Variants in CHMP2B observed in about 807,000 individuals in gnomAD.
CHMP2B encodes the protein charged multivesicular body protein 2B, also known as VPS2 homolog B.
Under a neutral mutation model 29.8 loss-of-function variants are expected in CHMP2B, and 22 were observed. That is an observed-to-expected ratio of 0.74 (90% confidence interval 0.53 to 1.05). The LOEUF is 1.05. Among genes scored for constraint, CHMP2B ranks in the 50% least tolerant of loss-of-function variants. The pLI, the probability that CHMP2B is intolerant of heterozygous loss-of-function variation, is 0.00. For synonymous variants in CHMP2B, 78 were observed against 75.8 expected (o/e 1.03, Z -0.15); for missense variants, 261 against 252.2 (o/e 1.03, Z -0.24).
At chr3:87,242,064 T>C (rs1267133548) in intron 2 of CHMP2B, among the ~76,000 whole-genome samples, 1 of 152,164 alleles carries the variant, frequency 6.6e-6, no homozygotes, top group Non-Finnish European at 1.5e-5. Flanking sequence ...GAACATCTTT[T>C]TATATACCTG....
intron 3 of CHMP2B, 86 bp from the exon 4 acceptor site, chr3:87,249,789 T>G: frequency 2.6e-6 from 2 of 759,002 alleles, no homozygotes; most frequent in Non-Finnish European, 4.6e-6. Flanking sequence ...AGCCTATCTA[T>G]ATTTGATGTG....
At chr3:87,238,938 C>A (rs1309731797) in intron 1 of CHMP2B, among the ~76,000 whole-genome samples, 1 of 152,164 alleles carries the variant, frequency 6.6e-6, no homozygotes, top group Non-Finnish European at 1.5e-5. Context: ...ATTTTCACAT[C>A]TTCATTAACA....
chr3:87,236,335 G>A (rs1343525247), intron 1 of CHMP2B, among the ~76,000 whole-genome samples: 1 of 152,060 alleles, frequency 6.6e-6, no homozygotes, highest in Non-Finnish European at 1.5e-5. Context: ...CTATCATTCA[G>A]GAAATTCCAA....
In CHMP2B at chr3:87,236,108, C is replaced by T. The variant is rs1029707831; in HGVS notation, c.35-4591C>T. On this transcript the variant is annotated intron_variant, in intron 1 of 5. Coordinates refer to ENST00000263780, the MANE Select transcript of CHMP2B (RefSeq NM_014043.4). ...CAGTGTGTTCACCAATTGAGAGGTT[C>T]TCTGAATCTCTTAGGTAAGGTTTTT... is the stretch of plus-strand genomic sequence containing the variant. Among the ~76,000 whole-genome samples, 23 of 152,150 alleles carry T rather than the reference C, an allele frequency of 1.5e-4. 1 individual carries two copies. Among genetic ancestry groups the T allele is most frequent in the Admixed American group, 9.2e-4 (14 of 15,272 alleles).
In CHMP2B at chr3:87,253,766, G is replaced by A; in HGVS notation, c.586G>A (p.Ala196Thr). 1.2e-6 allele frequency: 2 copies of A among 1,612,498 alleles called. No homozygotes were observed. Among genetic ancestry groups the A allele is most frequent in the Non-Finnish European group, 1.7e-6 (2 of 1,178,852 alleles). The change falls in exon 6 of 6, where the codon GCT (alanine) becomes ACT (threonine). Residue 196 changes from alanine (A) to threonine (T), a missense_variant. Ala to Thr is a moderately conservative substitution (Grantham distance 58). Transcript: ENST00000263780. Reference sequence around the variant, plus strand: ...CTTACCATCTGCCTCTACTTCAAAGGCTACAATCTCAGATGAAGAGATTGA... The same window carrying A: ...CTTACCATCTGCCTCTACTTCAAAGACTACAATCTCAGATGAAGAGATTGA... ...RSLPSASTSK[A>T]TISDEEIERQ...
intron 4 of CHMP2B, 147 bp downstream of exon 4, chr3:87,250,124 G>A (rs1706288515): frequency 3.5e-6 from 2 of 565,006 alleles, no homozygotes; most frequent in African/African-American, 1.9e-5. Flanking sequence ...ATTTAACTGA[G>A]GGAAGGTATA....
intron 4 of CHMP2B, 162 bp from the exon 5 acceptor site, chr3:87,253,242 T>G (rs1706347742): frequency 1.6e-6 from 1 of 619,494 alleles, no homozygotes. Flanking sequence ...AAATATGTAT[T>G]TATCAATTTA....
intron 1 of CHMP2B, among the ~76,000 whole-genome samples, chr3:87,231,008 C>G (rs978766169): frequency 6.7e-6 from 1 of 150,214 alleles, no homozygotes; most frequent in Non-Finnish European, 1.5e-5. Context: ...ATTTTTTTTT[C>G]TTTTTCTTAA....
chr3:87,228,692 T>C (rs1417455461), intron 1 of CHMP2B, among the ~76,000 whole-genome samples: 1 of 152,216 alleles, frequency 6.6e-6, no homozygotes, highest in African/African-American at 2.4e-5. Context: ...GATGACATAA[T>C]ACATTTTTCC....
In CHMP2B at chr3:87,227,492, G is replaced by A. The variant is rs376821391; in HGVS notation, c.-31G>A. 1.9e-6 allele frequency: 3 copies of A among 1,613,936 alleles called. No homozygotes were observed. The highest frequency in any genetic ancestry group is 1.7e-6 in the Non-Finnish European group (2 of 1,179,960). The stretch of plus-strand genomic sequence containing the variant: ...TGCCAGCGTTGGGCCGGACCGGGCC[G>A]AGCCGGGCCGCCCGGGCGCAGTCTT... On this transcript the variant is annotated 5_prime_UTR_variant, in exon 1 of 6. Transcript: ENST00000263780.
intron 1 of CHMP2B, among the ~76,000 whole-genome samples, chr3:87,230,168 C>G (rs1488362): frequency 0.31 from 47,646 of 151,930 alleles, 9,317 homozygotes; most frequent in Non-Finnish European, 0.44. Context: ...AATCAGGATC[C>G]CACTAGGACT....
At chr3:87,247,287 G>T (rs1386794518) in intron 3 of CHMP2B, among the ~76,000 whole-genome samples, 1 of 152,098 alleles carries the variant, frequency 6.6e-6, no homozygotes, top group Non-Finnish European at 1.5e-5. Context: ...TAGCTGATTT[G>T]CTCATATTGA....
In CHMP2B at chr3:87,254,721, T is replaced by A. The variant is rs186472338; in HGVS notation, c.*899T>A. ...CACTTTATAGTAAGAAAACAATATA[T>A]TTTGGCCATCTAAAAATGAGAATTA... On this transcript the variant is annotated 3_prime_UTR_variant, in exon 6 of 6. Transcript: ENST00000263780. The A allele has an allele frequency of 1.3e-3, 203 of 151,946 alleles. No individual in the cohort carries two copies. The highest frequency in any genetic ancestry group is 4.3e-3 in the African/African-American group (180 of 41,528). 9.4% of individuals were successfully genotyped at this position (151,946 alleles called of 1,614,324 possible). A position where few individuals can be genotyped will look rare whatever the true frequency, so the allele number is the denominator to read the frequency against.
chr3:87,244,563 G>GT (rs765169191), intron 2 of CHMP2B, among the ~76,000 whole-genome samples: 2 of 149,576 alleles, frequency 1.3e-5, no homozygotes, highest in African/African-American at 2.5e-5. Flanking sequence ...TTTCTCTGTG[G>GT]TTTTTTCTTT....
At position 87,227,512 on chromosome 3, in the gene CHMP2B, A is replaced by C. The variant is rs750390377; in HGVS notation, c.-11A>C. The C allele has an allele frequency of 1.9e-6, 3 of 1,614,106 alleles. No homozygotes were observed. The highest frequency in any genetic ancestry group is 1.3e-5 in the African/African-American group (1 of 75,044). ...GGGCCGAGCCGGGCCGCCCGGGCGCAGTCTTTAACCATGGCGTCCCTCTTC... is the reference window on the plus strand; with the variant it reads ...GGGCCGAGCCGGGCCGCCCGGGCGCCGTCTTTAACCATGGCGTCCCTCTTC... On this transcript the variant is annotated 5_prime_UTR_variant, in exon 1 of 6. Transcript: ENST00000263780.
Position 87,253,913 on chromosome 3 carries a change from G to GAA in CHMP2B, c.*91_*92insAA. 1.3e-6 allele frequency: 1 copy of GAA among 794,972 alleles called. No homozygotes were observed. Among genetic ancestry groups the GAA allele is most frequent in the Admixed American group, 2.7e-5 (1 of 37,406 alleles). 49.2% of individuals were successfully genotyped at this position (794,972 alleles called of 1,614,324 possible). ...TTCTTTTACAAAACACATGTATTTT[G>GAA]CAAAAAAAAAAAAAATGAAGACCAT... On this transcript the variant is annotated 3_prime_UTR_variant, in exon 6 of 6. Coordinates refer to ENST00000263780, the MANE Select transcript of CHMP2B (RefSeq NM_014043.4).
intron 3 of CHMP2B, among the ~76,000 whole-genome samples, chr3:87,246,543 C>G (rs1029564026): frequency 6.6e-6 from 1 of 152,068 alleles, no homozygotes; most frequent in African/African-American, 2.4e-5. Flanking sequence ...TTTTGACCTT[C>G]TTGTCTCATT....
chr3:87,242,473 A>T (rs1706136045), intron 2 of CHMP2B, among the ~76,000 whole-genome samples: 1 of 151,954 alleles, frequency 6.6e-6, no homozygotes, highest in Non-Finnish European at 1.5e-5. Context: ...AATATTTCTC[A>T]TCCTTTTTTC....
rs1706383387 is a variant in CHMP2B at position 87,255,228 on chromosome 3, G to A, written c.*1406G>A. On this transcript the variant is annotated 3_prime_UTR_variant, in exon 6 of 6. Coordinates refer to ENST00000263780, the MANE Select transcript of CHMP2B (RefSeq NM_014043.4). Reference sequence around the variant, plus strand: ...GCTAGGAGGAATGAAAAACTAAACTGTATAGTTTATATTCCGTAAACCATT... The same window carrying A: ...GCTAGGAGGAATGAAAAACTAAACTATATAGTTTATATTCCGTAAACCATT... 1 of 152,304 alleles carries A rather than the reference G, an allele frequency of 6.6e-6. No individual in the cohort carries two copies. Among genetic ancestry groups the A allele is most frequent in the South Asian group, 2.1e-4 (1 of 4,836 alleles). 9.4% of individuals were successfully genotyped at this position (152,304 alleles called of 1,614,324 possible). A position where few individuals can be genotyped will look rare whatever the true frequency, so the allele number is the denominator to read the frequency against.
Sources: allele counts gnomAD v4.1 joint callset (sites outside exome capture counted in the v4.1 genomes callset), GRCh38; gene constraint gnomAD v4.1.1; transcripts MANE v1.5; gene names NCBI Gene and HGNC (gene_info 2026-07-23, HGNC 2026-07-21).